PLEKHG4B: variants seen among roughly 807,000 people sequenced by gnomAD.
PLEKHG4B encodes the protein pleckstrin homology and RhoGEF domain containing G4B.
Under a neutral mutation model 121.3 loss-of-function variants are expected in PLEKHG4B, and 111 were observed. The observed-to-expected ratio is 0.92, with a 90% CI of 0.78 to 1.07. The LOEUF (loss-of-function observed/expected upper bound fraction) is 1.07. Among genes scored for constraint, PLEKHG4B ranks in the 50% least tolerant of loss-of-function variants. The pLI is 0.00. For missense variants in PLEKHG4B, 1,831 were observed against 1,757.8 expected (o/e 1.04, Z -0.74); for synonymous variants, 738 against 725.0 (o/e 1.02, Z -0.29).
chr5:154,155 A>C (rs1735689963), intron 7 of PLEKHG4B, among the ~76,000 whole-genome samples: 1 of 151,796 alleles, frequency 6.6e-6, no homozygotes, highest in Non-Finnish European at 1.5e-5. Context: ...ACAGGTGCAC[A>C]CCACCATGCC....
intron 1 of PLEKHG4B, among the ~76,000 whole-genome samples, chr5:106,834 TCTG>T (rs991957404): frequency 6.6e-5 from 10 of 152,250 alleles, no homozygotes; most frequent in Admixed American, 1.3e-4. Flanking sequence ...ACGTGCAGCT[TCTG>T]TGTGTGTGTG....
chr5:142,597 A>G (rs959847525), intron 3 of PLEKHG4B, among the ~76,000 whole-genome samples: 6 of 151,478 alleles, frequency 4.0e-5, no homozygotes, highest in Non-Finnish European at 8.8e-5. Flanking sequence ...GCCTCACACA[A>G]TCACACTCCA....
intron 1 of PLEKHG4B, among the ~76,000 whole-genome samples, chr5:103,061 G>A (rs1040021513): frequency 3.3e-5 from 5 of 152,176 alleles, no homozygotes; most frequent in South Asian, 2.1e-4. Context: ...CCCTGGGCCC[G>A]ATCCTTCCCT....
chr5:129,630 T>C (rs907638173), intron 2 of PLEKHG4B, among the ~76,000 whole-genome samples: 2 of 152,214 alleles, frequency 1.3e-5, no homozygotes, highest in Non-Finnish European at 2.9e-5. Context: ...CCTCTTTAAA[T>C]ATTTCATAGA....
chr5:135,187 C>CAAAAAAAAAAAAAAAAAAAAAAAAAAA (rs35601775), intron 2 of PLEKHG4B, among the ~76,000 whole-genome samples: 1 of 48,780 alleles, frequency 2.1e-5, no homozygotes, highest in African/African-American at 6.3e-5. Flanking sequence ...GACTCCAGCT[C>CAAAAAAAAAAAAAAAAAAAAAAAAAAA]AAAAAAAAAA....
rs145291561 is a variant in PLEKHG4B at position 144,759 on chromosome 5, T to C, written c.1812-68T>C. 785 of 1,372,230 alleles carry C rather than the reference T, an allele frequency of 5.7e-4. 4 individuals are homozygous for C. In the African/African-American group the frequency reaches 9.4e-3, roughly 17 times the overall value. 85.0% of individuals were successfully genotyped at this position (1,372,230 alleles called of 1,614,324 possible). On this transcript the variant is annotated intron_variant, in intron 5 of 19. Coordinates refer to ENST00000637938, the MANE Select transcript of PLEKHG4B (RefSeq NM_052909.5). ...AACCAGTAACAACTAGCCTCAGAGG[T>C]GGAGAAACTCGTTCTTGTAAGAGAT...
intron 7 of PLEKHG4B, among the ~76,000 whole-genome samples, chr5:153,827 C>T (rs1735678374): frequency 6.6e-6 from 1 of 152,078 alleles, no homozygotes; most frequent in African/African-American, 2.4e-5. Context: ...GCTGGATCTA[C>T]AGGTATGCAC....
At chr5:146,408 C>G (rs1256723103) in intron 6 of PLEKHG4B, among the ~76,000 whole-genome samples, 2 of 138,796 alleles carry the variant, frequency 1.4e-5, no homozygotes, top group African/African-American at 5.5e-5. Flanking sequence ...CCTCCATCCT[C>G]TCCCCACTAT....
chr5:177,922 T>C (rs982154570), intron 18 of PLEKHG4B, among the ~76,000 whole-genome samples: 1 of 151,806 alleles, frequency 6.6e-6, no homozygotes. Context: ...CCCTGTGTGC[T>C]TAGGAAATTG....
At chr5:164,951 TACAC>T (rs1277196121) in intron 13 of PLEKHG4B, among the ~76,000 whole-genome samples, 1 of 11,718 alleles carries the variant, frequency 8.5e-5, no homozygotes, top group African/African-American at 3.9e-4. Context: ...GGGCGGGGCT[TACAC>T]ACTAATGCTC....
Position 143,079 on chromosome 5 carries a change from GA to G in PLEKHG4B, c.1511del (p.Asp504AlafsTer89). The G allele has an allele frequency of 6.2e-7, 1 of 1,613,220 alleles. No individual in the cohort carries two copies. Among genetic ancestry groups the G allele is most frequent in the Non-Finnish European group, 8.5e-7 (1 of 1,180,012 alleles). ...TGCATCCTCAGCCTGTGTCAGCACA[GA>G]CGGCGGCAGCCTCCATTGCCACAAC... is the stretch of plus-strand genomic sequence containing the variant. ...VLASSACVST[D>X]GGSLHCHNPS... On this transcript the variant is annotated frameshift_variant, in exon 4 of 20. Coordinates refer to ENST00000637938, the MANE Select transcript of PLEKHG4B (RefSeq NM_052909.5). LOFTEE classifies it high-confidence loss of function.
rs113262959 is a variant in PLEKHG4B, at chr5:164,537, G to A, written c.3476+989G>A. Reference sequence around the variant, plus strand: ...CTCACACAGTAATGCTGTGACAGGGGGCGGAGCTCACACAGTAATGCTCTG... The same window carrying A: ...CTCACACAGTAATGCTGTGACAGGGAGCGGAGCTCACACAGTAATGCTCTG... On this transcript the variant is annotated intron_variant, in intron 13 of 19. Coordinates refer to ENST00000637938, the MANE Select transcript of PLEKHG4B (RefSeq NM_052909.5). Among the ~76,000 whole-genome samples, 30 of 122,718 alleles carry A rather than the reference G, an allele frequency of 2.4e-4. 2 individuals carry two copies. Among genetic ancestry groups the A allele is most frequent in the Non-Finnish European group, 4.5e-4 (27 of 60,562 alleles). The allele number at this position is 122,718 out of a possible 152,430, so 80.5% of individuals were successfully genotyped here.
chr5:96,669 TG>T (rs1319544897), intron 1 of PLEKHG4B, among the ~76,000 whole-genome samples: 1 of 152,190 alleles, frequency 6.6e-6, no homozygotes, highest in African/African-American at 2.4e-5. Flanking sequence ...AATATTCATG[TG>T]TCTGGAGGCT....
intron 2 of PLEKHG4B, among the ~76,000 whole-genome samples, chr5:116,657 G>A (rs551309099): frequency 6.6e-6 from 1 of 152,332 alleles, no homozygotes; most frequent in East Asian, 1.9e-4. Context: ...CTGCTGGAAG[G>A]CACCTGGCTA....
chr5:143,461 C>A lies in PLEKHG4B; in HGVS notation c.1769C>A (p.Ala590Asp), dbSNP rs751602953. The A allele has an allele frequency of 2.5e-5, 40 of 1,612,760 alleles. No individual in the cohort carries two copies. The Admixed American group carries it at 6.5e-4, about 26-fold the overall frequency. Residue 590 changes from alanine to aspartate, a missense_variant, in exon 5 of 20, where the codon GCT becomes GAT. Transcript: ENST00000637938. Reference sequence around the variant, plus strand: ...TGGACCAGGGAACACTCGTCCTGTGCTGAGCTGACCCGCCTGCTGCTGTAC... The same window carrying A: ...TGGACCAGGGAACACTCGTCCTGTGATGAGCTGACCCGCCTGCTGCTGTAC... The part of the protein sequence containing the change: ...LLWTREHSSC[A>D]ELTRLLLYFH...
At chr5:92,729 C>A (rs1385410761) in intron 1 of PLEKHG4B, among the ~76,000 whole-genome samples, 2 of 151,878 alleles carry the variant, frequency 1.3e-5, no homozygotes, top group East Asian at 3.9e-4. Context: ...GAAGGGGAGC[C>A]AGGGGAGGGG....
intron 13 of PLEKHG4B, among the ~76,000 whole-genome samples, chr5:168,824 T>TC: frequency 6.6e-6 from 1 of 151,324 alleles, no homozygotes; most frequent in Non-Finnish European, 1.5e-5. Flanking sequence ...TGCAGGTGAG[T>TC]CGCTCCTTGC....
chr5:118,741 C>A (rs1350291568), intron 2 of PLEKHG4B, among the ~76,000 whole-genome samples: 2 of 151,976 alleles, frequency 1.3e-5, no homozygotes, highest in Non-Finnish European at 1.5e-5. Flanking sequence ...GGTAATAATA[C>A]CTCTCAGTAG....
intron 19 of PLEKHG4B, 46 bp downstream of exon 19, chr5:181,721 G>A: frequency 6.3e-7 from 1 of 1,585,282 alleles, no homozygotes; most frequent in Non-Finnish European, 8.6e-7. Context: ...AGAGGGCACT[G>A]GGCCTGTCAT....
Sources: allele counts gnomAD v4.1 joint callset (sites outside exome capture counted in the v4.1 genomes callset), GRCh38; gene constraint gnomAD v4.1.1; transcripts MANE v1.5; gene names NCBI Gene and HGNC (gene_info 2026-07-23, HGNC 2026-07-21).